The following BTBD9 variants were observed in gnomAD, a reference collection of about 807,000 sequenced individuals.
BTBD9 encodes BTB domain containing 9, also known as BTB/POZ domain-containing protein 9.
In BTBD9, 49 loss-of-function variants were observed where a neutral mutation model predicts 64.3. That is an observed-to-expected ratio of 0.76 (90% confidence interval 0.61 to 0.97). The LOEUF (loss-of-function observed/expected upper bound fraction) is 0.97, where lower values mean the gene tolerates loss of function less well. Ranked by LOEUF, BTBD9 falls within the 50% of genes least tolerant of loss-of-function variation. The pLI, the probability that BTBD9 is intolerant of heterozygous loss-of-function variation, is 0.00. For missense variants in BTBD9, 598 were observed against 762.1 expected (o/e 0.78, Z 2.53); for synonymous variants, 260 against 274.7 (o/e 0.95, Z 0.53).
At chr6:38,459,616 C>A (rs1466239899) in intron 6 of BTBD9, among the ~76,000 whole-genome samples, 1 of 152,144 alleles carries the variant, frequency 6.6e-6, no homozygotes, top group Non-Finnish European at 1.5e-5. Flanking sequence ...GAATCCTTGA[C>A]CTATGGCAGA....
intron 6 of BTBD9, among the ~76,000 whole-genome samples, chr6:38,470,388 T>C (rs1231547874): frequency 2.3e-4 from 35 of 152,184 alleles, no homozygotes. Flanking sequence ...CAGAAGTGTA[T>C]CTAGCCAAAA....
intron 6 of BTBD9, among the ~76,000 whole-genome samples, chr6:38,542,158 A>T (rs1450681509): frequency 6.6e-6 from 1 of 152,148 alleles, no homozygotes; most frequent in East Asian, 1.9e-4. Flanking sequence ...TCAATTTGTT[A>T]TCTCTTGTAT....
chr6:38,215,532 T>C (rs1216139937), intron 9 of BTBD9, among the ~76,000 whole-genome samples: 2 of 152,198 alleles, frequency 1.3e-5, no homozygotes, highest in African/African-American at 2.4e-5. Flanking sequence ...CACATACCCA[T>C]TGGCTTTCTG....
At chr6:38,320,146 G>T (rs1348920707) in intron 7 of BTBD9, among the ~76,000 whole-genome samples, 1 of 152,150 alleles carries the variant, frequency 6.6e-6, no homozygotes, top group Non-Finnish European at 1.5e-5. Context: ...GTGGCTACTG[G>T]GGGAGAGATG....
intron 7 of BTBD9, among the ~76,000 whole-genome samples, chr6:38,303,577 TAGTTTGTC>T (rs1762491364): frequency 6.6e-6 from 1 of 151,814 alleles, no homozygotes; most frequent in Admixed American, 6.6e-5. Flanking sequence ...TACTCTGTGT[TAGTTTGTC>T]AGTTTCCACC....
intron 7 of BTBD9, among the ~76,000 whole-genome samples, chr6:38,334,132 C>A (rs1582247524): frequency 6.6e-6 from 1 of 152,182 alleles, no homozygotes; most frequent in South Asian, 2.1e-4. Context: ...ATGTGTTGAA[C>A]TTCAAATTTG....
At chr6:38,522,415 T>C (rs1289618381) in intron 6 of BTBD9, among the ~76,000 whole-genome samples, 2 of 152,258 alleles carry the variant, frequency 1.3e-5, no homozygotes, top group African/African-American at 2.4e-5. Flanking sequence ...GGCCTTCTTA[T>C]TGCCAGATTC....
At chr6:38,624,774 A>T (rs1488727804) in intron 1 of BTBD9, among the ~76,000 whole-genome samples, 1 of 151,972 alleles carries the variant, frequency 6.6e-6, no homozygotes, top group African/African-American at 2.4e-5. Flanking sequence ...AGACAAAGAT[A>T]CTCCTATAAA....
chr6:38,560,868 T>C (rs928377357), intron 6 of BTBD9, among the ~76,000 whole-genome samples: 2 of 152,224 alleles, frequency 1.3e-5, no homozygotes, highest in South Asian at 4.1e-4. Context: ...TTGTTAAAGA[T>C]AATGGCCTCA....
intron 4 of BTBD9, among the ~76,000 whole-genome samples, chr6:38,581,468 A>T (rs16890826): frequency 0.09 from 13,747 of 152,198 alleles, 672 homozygotes; most frequent in East Asian, 0.26. Flanking sequence ...CATCAAAATC[A>T]GTATTATGGT....
chr6:38,179,674 T>G (rs1196829175), intron 10 of BTBD9: 2 of 456,766 alleles, frequency 4.4e-6, no homozygotes, highest in Non-Finnish European at 8.8e-6. Context: ...AGTGGCAGGC[T>G]GGGAATGAAC....
At chr6:38,283,822 T>C (rs962181196) in intron 8 of BTBD9, among the ~76,000 whole-genome samples, 3 of 152,142 alleles carry the variant, frequency 2.0e-5, no homozygotes, top group Non-Finnish European at 4.4e-5. Context: ...CTGGGTTTCT[T>C]CAGATACAAT....
chr6:38,374,316 T>TATATATATAC lies in BTBD9; in HGVS notation c.1155-29224_1155-29223insGTATATATAT, dbSNP rs1562095810. On this transcript the variant is annotated intron_variant, in intron 6 of 10. Transcript: ENST00000481247. ...ATATATGTATATATATGTATATATA[T>TATATATATAC]ATATATATATGTATATAAAATCTGT... 2.0e-3 allele frequency among the ~76,000 whole-genome samples: 233 copies of TATATATATAC among 116,318 alleles called. 12 individuals are homozygous for TATATATATAC. The highest frequency in any genetic ancestry group is 8.0e-3 in the African/African-American group (226 of 28,144). The allele number at this position is 116,318 out of a possible 152,430, so 76.3% of individuals were successfully genotyped here.
At chr6:38,534,661 A>T (rs1773942664) in intron 6 of BTBD9, among the ~76,000 whole-genome samples, 1 of 152,114 alleles carries the variant, frequency 6.6e-6, no homozygotes, top group Non-Finnish European at 1.5e-5. Flanking sequence ...ACAAAACATT[A>T]AAAAGTTCAT....
chr6:38,444,831 G>C (rs1245869527), intron 6 of BTBD9, among the ~76,000 whole-genome samples: 1 of 152,186 alleles, frequency 6.6e-6, no homozygotes, highest in East Asian at 1.9e-4. Context: ...GTGCTAAAAA[G>C]CTACTTGCCC....
intron 7 of BTBD9, among the ~76,000 whole-genome samples, chr6:38,338,454 A>C (rs1025313469): frequency 5.9e-5 from 9 of 152,200 alleles, no homozygotes; most frequent in African/African-American, 2.2e-4. Flanking sequence ...ACAAAAAGTT[A>C]CCAGTCTTCC....
chr6:38,405,322 T>C (rs1018982530), intron 6 of BTBD9, among the ~76,000 whole-genome samples: 3 of 151,876 alleles, frequency 2.0e-5, no homozygotes, highest in African/African-American at 4.8e-5. Flanking sequence ...AAAAAAAAAA[T>C]TGGACAGTCA....
intron 9 of BTBD9, among the ~76,000 whole-genome samples, chr6:38,251,161 T>TA (rs1334038579): frequency 3.3e-5 from 5 of 151,092 alleles, no homozygotes; most frequent in African/African-American, 9.7e-5. Flanking sequence ...CTAACAGAAC[T>TA]AAAAAAACAT....
chr6:38,196,481 T>A (rs1762277404), intron 9 of BTBD9, among the ~76,000 whole-genome samples: 2 of 152,232 alleles, frequency 1.3e-5, no homozygotes, highest in South Asian at 4.1e-4. Flanking sequence ...TGACAGTATA[T>A]GATTCAATGA....
Sources: gnomAD v4.1 joint callset for allele counts (sites outside exome capture counted in the v4.1 genomes callset) on GRCh38, gnomAD v4.1.1 for gene constraint, MANE v1.5 for transcripts, NCBI Gene and HGNC (gene_info 2026-07-23, HGNC 2026-07-21) for gene names.